The following NPIPB11 variants were observed in gnomAD, a reference collection of about 807,000 sequenced individuals.
NPIPB11 encodes nuclear pore complex-interacting protein family member B11.
A neutral mutation model predicts 32.8 loss-of-function variants in NPIPB11; 17 were observed. That is an observed-to-expected ratio of 0.52 (90% CI 0.35 to 0.78). NPIPB11 has a LOEUF of 0.78. NPIPB11 is among the 30% of genes least tolerant of loss of function. The pLI is 0.01. For missense variants in NPIPB11, 537 were observed against 1,000.4 expected (o/e 0.54, Z 6.25); for synonymous variants, 209 against 398.4 (o/e 0.52, Z 5.66).
At chr16:29,389,147 A>G (rs2142122459) in intron 5 of NPIPB11, among the ~76,000 whole-genome samples, 1 of 148,736 alleles carries the variant, frequency 6.7e-6, no homozygotes, top group African/African-American at 2.5e-5. Flanking sequence ...GTGAGCCAAG[A>G]TCATGCCACT....
chr16:29,395,467 ATCTTT>A (rs1189364899), intron 2 of NPIPB11, among the ~76,000 whole-genome samples: 4 of 83,040 alleles, frequency 4.8e-5, no homozygotes, highest in African/African-American at 2.2e-4. Flanking sequence ...GCCAGTAGTT[ATCTTT>A]TCTTTAAAGT....
intron 2 of NPIPB11, among the ~76,000 whole-genome samples, chr16:29,395,661 A>G (rs2142131841): frequency 6.7e-6 from 1 of 149,412 alleles, no homozygotes; most frequent in South Asian, 2.1e-4. Context: ...ATTCACAAAT[A>G]AGTATCAAAT....
rs531474573 is a variant in NPIPB11, at chr16:29,397,673, T to G, written c.121-3597A>C. The G allele has an allele frequency of 3.0e-4, 328 of 1,105,090 alleles. 2 individuals are homozygous for G. The highest frequency in any genetic ancestry group is 1.9e-3 in the East Asian group (55 of 29,244). The allele number at this position is 1,105,090 out of a possible 1,614,324, so 68.5% of individuals were successfully genotyped here. A position where few individuals can be genotyped will look rare whatever the true frequency, so the allele number is the denominator to read the frequency against. ...GGTCCTTTCAGGGCGCCCTGAGGCG[T>G]CCAGGACAGAGGTGGAGGTGGCTTA... On this transcript the variant is annotated intron_variant, in intron 2 of 7. Coordinates refer to ENST00000524087, the Ensembl canonical transcript of NPIPB11.
chr16:29,390,410 A>T, intron 3 of NPIPB11, 62 bp from the exon 4 acceptor site: 2 of 1,595,126 alleles, frequency 1.3e-6, no homozygotes, highest in Non-Finnish European at 1.7e-6. Flanking sequence ...TAATCCCAGT[A>T]CTTCGGGAAG....
chr16:29,389,216 TTGG>T (rs1963646194), intron 5 of NPIPB11, among the ~76,000 whole-genome samples: 1 of 91,936 alleles, frequency 1.1e-5, no homozygotes, highest in African/African-American at 3.8e-5. Flanking sequence ...AAAAAAAAAA[TTGG>T]TCAAATGTGG....
Position 29,401,008 on chromosome 16 carries a change from T to C in NPIPB11, c.120+2675A>G, listed in dbSNP as rs367757914. The stretch of plus-strand genomic sequence containing the variant: ...TCATGGAGCATCTCTCTAAGACCTC[T>C]GTGTCCTGGTCATTGAATGGGCACT... On this transcript the variant is annotated intron_variant, in intron 2 of 7. Coordinates refer to ENST00000524087, the Ensembl canonical transcript of NPIPB11. 4.6e-5 allele frequency among the ~76,000 whole-genome samples: 7 copies of C among 152,196 alleles called. No individual in the cohort carries two copies. The East Asian group carries it at 1.4e-3, about 29-fold the overall frequency.
At chr16:29,399,270 A>G (rs1963933003) in intron 2 of NPIPB11, among the ~76,000 whole-genome samples, 1 of 151,746 alleles carries the variant, frequency 6.6e-6, no homozygotes. Context: ...GCAGCTGAAA[A>G]CCACTGCTTT....
chr16:29,399,785 A>T (rs535480864), intron 2 of NPIPB11, among the ~76,000 whole-genome samples: 120 of 151,708 alleles, frequency 7.9e-4, no homozygotes, highest in Middle Eastern at 6.9e-3. Flanking sequence ...GCCATGTTCC[A>T]GCCCTAGATT....
chr16:29,397,353 C>T (rs1233803316), intron 2 of NPIPB11, among the ~76,000 whole-genome samples: 3 of 151,516 alleles, frequency 2.0e-5, no homozygotes, highest in South Asian at 2.1e-4. Flanking sequence ...ATAACAGGTA[C>T]GCACCACCAG....
intron 2 of NPIPB11, among the ~76,000 whole-genome samples, chr16:29,401,863 G>A (rs1437110805): frequency 1.3e-5 from 2 of 151,762 alleles, no homozygotes; most frequent in African/African-American, 2.4e-5. Context: ...AGCCATGGAG[G>A]ATGTGCAGCA....
intron 2 of NPIPB11, among the ~76,000 whole-genome samples, chr16:29,399,814 C>G (rs1166712914): frequency 2.0e-5 from 3 of 152,082 alleles, no homozygotes; most frequent in Middle Eastern, 3.4e-3. Context: ...CATGGTGGCT[C>G]ACGCCTGTAA....
chr16:29,397,513 G>C (rs538268553), intron 2 of NPIPB11: 2 of 1,482,250 alleles, frequency 1.3e-6, no homozygotes, highest in Non-Finnish European at 1.8e-6. Context: ...ATTTCATGCC[G>C]CGTGACACAG....
In NPIPB11 at chr16:29,392,563, T is replaced by A. The variant is rs368284166; in HGVS notation, c.249+1385A>T. The stretch of plus-strand genomic sequence containing the variant: ...CGACTCTACTAAAAATACAAAAATT[T>A]GCTGGGCATGGTGGTGGGCACCTGT... On this transcript the variant is annotated intron_variant, in intron 3 of 7. Coordinates refer to ENST00000524087, the Ensembl canonical transcript of NPIPB11. 1.5e-3 allele frequency among the ~76,000 whole-genome samples: 227 copies of A among 150,478 alleles called. 2 individuals are homozygous for A. The highest frequency in any genetic ancestry group is 5.2e-3 in the African/African-American group (211 of 40,710).
At chr16:29,396,976 C>T (rs368431721) in intron 2 of NPIPB11, among the ~76,000 whole-genome samples, 1 of 151,622 alleles carries the variant, frequency 6.6e-6, no homozygotes, top group Non-Finnish European at 1.5e-5. Context: ...GGTGAAACCC[C>T]GTCTCTACTA....
Position 29,397,208 on chromosome 16 carries a change from CAAATGACAT to C in NPIPB11, c.121-3141_121-3133del, listed in dbSNP as rs767928243. On this transcript the variant is annotated intron_variant, in intron 2 of 7. Transcript: ENST00000524087. The stretch of plus-strand genomic sequence containing the variant: ...AGTCATCAAACCAGATGACACAAAT[CAAATGACAT>C]TTCACTTTGTTTTGGTCCACTTTGT... Among the ~76,000 whole-genome samples, 1,122 of 150,558 alleles carry C rather than the reference CAAATGACAT, an allele frequency of 7.5e-3. 5 individuals are homozygous for C. Among genetic ancestry groups the C allele is most frequent in the Non-Finnish European group, 0.012 (812 of 67,662 alleles).
chr16:29,400,835 C>T (rs1050934983), intron 2 of NPIPB11, among the ~76,000 whole-genome samples: 7 of 152,192 alleles, frequency 4.6e-5, no homozygotes, highest in Admixed American at 1.3e-4. Flanking sequence ...GTGGTTCCAT[C>T]GGAGGTGGCA....
chr16:29,395,927 G>A lies in NPIPB11; in HGVS notation c.121-1851C>T, dbSNP rs1430796215. ...CGGGAGGCAGAGGTTGCAGTGAGCC[G>A]AGATTGCACCACTGCACTTCAGCCT... On this transcript the variant is annotated intron_variant, in intron 2 of 7. Coordinates refer to ENST00000524087, the Ensembl canonical transcript of NPIPB11. 1.1e-4 allele frequency among the ~76,000 whole-genome samples: 16 copies of A among 151,152 alleles called. 1 individual carries two copies. Among genetic ancestry groups the A allele is most frequent in the African/African-American group, 3.4e-4 (14 of 41,176 alleles).
At chr16:29,391,911 G>A (rs567268482) in intron 3 of NPIPB11, among the ~76,000 whole-genome samples, 1 of 151,948 alleles carries the variant, frequency 6.6e-6, no homozygotes, top group South Asian at 2.1e-4. Context: ...AGTAGAGATG[G>A]GGTTTCACCA....
chr16:29,397,554 C>A, intron 2 of NPIPB11: 1 of 1,527,342 alleles, frequency 6.5e-7, no homozygotes, highest in South Asian at 1.2e-5. Context: ...CCCGAGGGTC[C>A]AGCGTCTACT....
Sources: gnomAD v4.1 joint callset for allele counts (sites outside exome capture counted in the v4.1 genomes callset) on GRCh38, gnomAD v4.1.1 for gene constraint, MANE v1.5 for transcripts, NCBI Gene and HGNC (gene_info 2026-07-23, HGNC 2026-07-21) for gene names.